The following CHST12 variants were observed in gnomAD, a reference collection of about 807,000 sequenced individuals.
The protein encoded by CHST12 is carbohydrate (chondroitin 4) sulfotransferase 12.
In CHST12, 23 loss-of-function variants were observed where a neutral mutation model predicts 27.9. That is an observed-to-expected ratio of 0.82 (90% CI 0.59 to 1.17). CHST12 has a LOEUF of 1.17. CHST12 is among the 50% of genes most tolerant of loss of function. CHST12 has a pLI of 0.00. For synonymous variants in CHST12, 322 were observed against 273.0 expected (o/e 1.18, Z -1.77); for missense variants, 682 against 603.0 (o/e 1.13, Z -1.37).
In CHST12 at chr7:2,435,005, C is replaced by T. The variant is rs1782438228; in HGVS notation, c.*1121C>T. ...CTGAGGAGGGAGGATCACTTGAGCC[C>T]AGGAGTTCAAGATCAGTTTGGACCA... On this transcript the variant is annotated 3_prime_UTR_variant, in exon 2 of 2. Coordinates refer to ENST00000618655, the MANE Select transcript of CHST12 (RefSeq NM_018641.5). 6.6e-6 allele frequency: 1 copy of T among 152,158 alleles called. No homozygotes were observed. The highest frequency in any genetic ancestry group is 2.4e-5 in the African/African-American group (1 of 41,386). 9.4% of individuals were successfully genotyped at this position (152,158 alleles called of 1,614,324 possible). A position where few individuals can be genotyped will look rare whatever the true frequency, so the allele number is the denominator to read the frequency against.
chr7:2,430,606 C>T (rs1256732229), intron 1 of CHST12, among the ~76,000 whole-genome samples: 1 of 152,152 alleles, frequency 6.6e-6, no homozygotes, highest in Non-Finnish European at 1.5e-5. Flanking sequence ...GCATAAGCCA[C>T]CATGCCCAGC....
At chr7:2,431,497 C>T (rs942112099) in intron 1 of CHST12, among the ~76,000 whole-genome samples, 6 of 152,164 alleles carry the variant, frequency 3.9e-5, no homozygotes, top group Non-Finnish European at 8.8e-5. Context: ...GAGAGGGAGT[C>T]AGAGTGTGGA....
Position 2,403,643 on chromosome 7 carries a change from G to C in CHST12, c.-108G>C. On this transcript the variant is annotated 5_prime_UTR_variant, in exon 1 of 2. Transcript: ENST00000618655. ...GGGCGGCGGCGGCGGCTGCGGGCGC[G>C]AGGTGAGGGGCGCGAGGTGAGGGTC... is the stretch of plus-strand genomic sequence containing the variant. 6.6e-6 allele frequency: 1 copy of C among 151,496 alleles called. No homozygotes were observed. The highest frequency in any genetic ancestry group is 1.8e-4 in the South Asian group (1 of 5,628). 9.4% of individuals were successfully genotyped at this position (151,496 alleles called of 1,614,324 possible).
At chr7:2,424,565 G>C (rs371674737) in intron 1 of CHST12, among the ~76,000 whole-genome samples, 1 of 152,116 alleles carries the variant, frequency 6.6e-6, no homozygotes, top group African/African-American at 2.4e-5. Flanking sequence ...ACTCTCCCCC[G>C]GAAGACTCCC....
chr7:2,433,020 G>T lies in CHST12; in HGVS notation c.381G>T (p.Val127=), dbSNP rs1463980533. 5.0e-6 allele frequency: 8 copies of T among 1,611,068 alleles called. No homozygotes were observed. In the African/African-American group the frequency reaches 6.7e-5, roughly 13 times the overall value. Residue 127 remains valine, a synonymous_variant, in exon 2 of 2, where the codon GTG becomes GTT. Transcript: ENST00000618655. This position sits in a 1 kb window ranked among gnomAD's most constrained non-coding sequence, Gnocchi z 6.1. ...GGCAGCAGGCGGAGCGGAGGAGCGTGCTGCGGGGCTTCTGCGCCAACTCCA... is the reference window on the plus strand; with the variant it reads ...GGCAGCAGGCGGAGCGGAGGAGCGTTCTGCGGGGCTTCTGCGCCAACTCCA... ...QGRQQAERRS[V]LRGFCANSSL...
Position 2,433,341 on chromosome 7 carries a change from G to C in CHST12, c.702G>C (p.Lys234Asn). The change falls in exon 2 of 2, where the codon AAG (lysine) becomes AAC (asparagine). Residue 234 changes from lysine (K) to asparagine (N), a missense_variant. Physicochemically the swap from Lys to Asn is moderately conservative, Grantham distance 94. Transcript: ENST00000618655. The surrounding 1 kb of genome is among the most constrained non-coding windows in gnomAD (Gnocchi z 6.1). ...GKLSRHLMKV[K>N]LKKYTKFLFV... ...TCTCCCGCCACCTCATGAAGGTCAA[G>C]CTCAAGAAGTACACCAAGTTCCTCT... The C allele has an allele frequency of 1.2e-6, 2 of 1,612,536 alleles. No individual in the cohort carries two copies. Among genetic ancestry groups the C allele is most frequent in the Non-Finnish European group, 1.7e-6 (2 of 1,179,942 alleles).
At position 2,417,848 on chromosome 7, in the gene CHST12, G is replaced by A. The variant is rs1781850436; in HGVS notation, c.-78+14175G>A. ...CAGAGTATGCTTAACCAAATATCTG[G>A]GTACCCCACGGCCCAGTCCAGTTGA... On this transcript the variant is annotated intron_variant, in intron 1 of 1. Coordinates refer to ENST00000618655, the MANE Select transcript of CHST12 (RefSeq NM_018641.5). 2.6e-5 allele frequency among the ~76,000 whole-genome samples: 4 copies of A among 152,304 alleles called. No individual in the cohort carries two copies. In the South Asian group the frequency reaches 8.3e-4, roughly 32 times the overall value.
intron 1 of CHST12, among the ~76,000 whole-genome samples, chr7:2,405,317 C>T (rs1781494722): frequency 6.6e-6 from 1 of 152,026 alleles, no homozygotes; most frequent in Non-Finnish European, 1.5e-5. Flanking sequence ...TGGTGGTGCA[C>T]ACCTGAAGTC....
chr7:2,414,243 G>C (rs1162164475), intron 1 of CHST12, among the ~76,000 whole-genome samples: 1 of 151,720 alleles, frequency 6.6e-6, no homozygotes, highest in South Asian at 2.1e-4. Context: ...ATTTTCTCCC[G>C]GCCTATGGCC....
rs879877915 is a variant in CHST12, at chr7:2,437,754, ACTCTCT to A, written c.*3874_*3879del. ...CGCGCACACACACACACACACACACACTCTCTCTCACACACACATCGGGATATTTTT... is the reference window on the plus strand; with the variant it reads ...CGCGCACACACACACACACACACACACTCACACACACATCGGGATATTTTT... On this transcript the variant is annotated 3_prime_UTR_variant, in exon 2 of 2. Coordinates refer to ENST00000618655, the MANE Select transcript of CHST12 (RefSeq NM_018641.5). The A allele has an allele frequency of 9.0e-5, 11 of 121,942 alleles. No homozygotes were observed. Among genetic ancestry groups the A allele is most frequent in the African/African-American group, 2.9e-4 (10 of 34,394 alleles). 7.6% of individuals were successfully genotyped at this position (121,942 alleles called of 1,614,324 possible).
chr7:2,410,385 C>T (rs942420129), intron 1 of CHST12, among the ~76,000 whole-genome samples: 12 of 152,132 alleles, frequency 7.9e-5, no homozygotes, highest in Admixed American at 2.0e-4. Context: ...TGGTGGCTCA[C>T]GCCTGTAATC....
rs918651476 is a variant in CHST12, at chr7:2,439,616, A to G, written c.*5732A>G. 5 of 151,978 alleles carry G rather than the reference A, an allele frequency of 3.3e-5. No individual in the cohort carries two copies. The highest frequency in any genetic ancestry group is 1.2e-4 in the African/African-American group (5 of 41,504). 9.4% of individuals were successfully genotyped at this position (151,978 alleles called of 1,614,324 possible). A position where few individuals can be genotyped will look rare whatever the true frequency, so the allele number is the denominator to read the frequency against. ...TGGTAGAGGCCGGGTACGGTGGCTCATGCCTGTAATCCCGGCACTTTGGGA... is the reference window on the plus strand; with the variant it reads ...TGGTAGAGGCCGGGTACGGTGGCTCGTGCCTGTAATCCCGGCACTTTGGGA... On this transcript the variant is annotated 3_prime_UTR_variant, in exon 2 of 2. Transcript: ENST00000618655.
Position 2,444,377 on chromosome 7 carries a change from A to T in CHST12, c.*10493A>T, listed in dbSNP as rs1297391914. ...GCTACTGAGGAGGCTGAGGCATGAG[A>T]TTCGCTTGAGCCTGGGAGGCAGAGG... On this transcript the variant is annotated 3_prime_UTR_variant, in exon 2 of 2. Coordinates refer to ENST00000618655, the MANE Select transcript of CHST12 (RefSeq NM_018641.5). The T allele has an allele frequency of 6.6e-6, 1 of 151,690 alleles. No individual in the cohort carries two copies. Among genetic ancestry groups the T allele is most frequent in the African/African-American group, 2.4e-5 (1 of 41,186 alleles). 9.4% of individuals were successfully genotyped at this position (151,690 alleles called of 1,614,324 possible). A position where few individuals can be genotyped will look rare whatever the true frequency, so the allele number is the denominator to read the frequency against.
chr7:2,427,866 G>C (rs1782168377), intron 1 of CHST12, among the ~76,000 whole-genome samples: 3 of 152,128 alleles, frequency 2.0e-5, no homozygotes, highest in African/African-American at 7.2e-5. Flanking sequence ...ACCCAGGCTG[G>C]AGTGCAGTGG....
chr7:2,421,875 A>G (rs1781984767), intron 1 of CHST12, among the ~76,000 whole-genome samples: 1 of 152,212 alleles, frequency 6.6e-6, no homozygotes, highest in East Asian at 1.9e-4. Context: ...CCTAAAAGAT[A>G]TTATTAATAC....
In CHST12 at chr7:2,445,103, G is replaced by C. The variant is rs2115470312; in HGVS notation, c.*11219G>C. 6.6e-6 allele frequency: 1 copy of C among 152,274 alleles called. No individual in the cohort carries two copies. The highest frequency in any genetic ancestry group is 2.1e-4 in the South Asian group (1 of 4,820). 9.4% of individuals were successfully genotyped at this position (152,274 alleles called of 1,614,324 possible). ...AGGGGGCTGGCTTTGAAAGTGGTCT[G>C]GGCTTCTAAAAGGTTTGATTGAAAA... On this transcript the variant is annotated 3_prime_UTR_variant, in exon 2 of 2. Coordinates refer to ENST00000618655, the MANE Select transcript of CHST12 (RefSeq NM_018641.5).
chr7:2,432,900 G>A lies in CHST12; in HGVS notation c.261G>A (p.Glu87=). 6.2e-7 allele frequency: 1 copy of A among 1,613,350 alleles called. No homozygotes were observed. Among genetic ancestry groups the A allele is most frequent in the Non-Finnish European group, 8.5e-7 (1 of 1,179,860 alleles). ...AGCAGAGCGACCTTCCCAGAAAGGAGACGGAGCAGCCGCCTGCGCCGGGGA... is the reference window on the plus strand; with the variant it reads ...AGCAGAGCGACCTTCCCAGAAAGGAAACGGAGCAGCCGCCTGCGCCGGGGA... The part of the protein sequence containing the change: ...GVKQSDLPRK[E]TEQPPAPGSM... Residue 87 remains glutamate (E), a synonymous_variant, in exon 2 of 2, where the codon GAG becomes GAA. Transcript: ENST00000618655.
chr7:2,413,441 T>G (rs1781719804), intron 1 of CHST12, among the ~76,000 whole-genome samples: 1 of 152,232 alleles, frequency 6.6e-6, no homozygotes, highest in Non-Finnish European at 1.5e-5. Context: ...AGTATGCAGT[T>G]TGAGGAACGT....
rs17132393 is a variant in CHST12 at position 2,432,883 on chromosome 7, G to A, written c.244G>A (p.Asp82Asn). 4.5e-5 allele frequency: 72 copies of A among 1,613,570 alleles called. No homozygotes were observed. In the East Asian group the frequency reaches 9.8e-4, roughly 22 times the overall value. Reference protein sequence around the residue: ...KFLSAGVKQSDLPRKETEQPP... With the variant: ...KFLSAGVKQSNLPRKETEQPP... ...TCTCAGTGCTGGCGTGAAGCAGAGCGACCTTCCCAGAAAGGAGACGGAGCA... is the reference window on the plus strand; with the variant it reads ...TCTCAGTGCTGGCGTGAAGCAGAGCAACCTTCCCAGAAAGGAGACGGAGCA... The change falls in exon 2 of 2, where the codon GAC becomes AAC. Residue 82 changes from aspartate (D) to asparagine (N), a missense_variant. Coordinates refer to ENST00000618655, the MANE Select transcript of CHST12 (RefSeq NM_018641.5).
Sources: allele counts gnomAD v4.1 joint callset (sites outside exome capture counted in the v4.1 genomes callset), GRCh38; gene constraint gnomAD v4.1.1; non-coding constraint Gnocchi (gnomAD v3.1); transcripts MANE v1.5; gene names NCBI Gene and HGNC (gene_info 2026-07-23, HGNC 2026-07-21).